The following ABLIM3 variants were observed in gnomAD, a reference collection of about 807,000 sequenced individuals.
ABLIM3 encodes the protein actin-binding LIM protein 3.
Under a neutral mutation model 109.5 loss-of-function variants are expected in ABLIM3, and 61 were observed. The observed-to-expected ratio is 0.56, with a 90% CI of 0.45 to 0.69. The LOEUF (loss-of-function observed/expected upper bound fraction) is 0.69, where lower values mean the gene tolerates loss of function less well. Among genes scored for constraint, ABLIM3 ranks in the 30% least tolerant of loss-of-function variants. ABLIM3 has a pLI of 0.00. For missense variants in ABLIM3, 796 were observed against 889.5 expected (o/e 0.89, Z 1.34); for synonymous variants, 300 against 324.8 (o/e 0.92, Z 0.82).
At chr5:149,177,692 G>A (rs965575156) in intron 2 of ABLIM3, among the ~76,000 whole-genome samples, 1 of 152,150 alleles carries the variant, frequency 6.6e-6, no homozygotes, top group Admixed American at 6.5e-5. Flanking sequence ...AACCTTTGCT[G>A]GACTTGTCAG....
intron 16 of ABLIM3, 103 bp downstream of exon 16, chr5:149,245,118 A>T: frequency 6.9e-7 from 1 of 1,449,244 alleles, no homozygotes; most frequent in African/African-American, 1.4e-5. Flanking sequence ...ATTCTGAATA[A>T]GAGTGCTTAG....
chr5:149,178,452 TC>T (rs2127469750), intron 2 of ABLIM3, among the ~76,000 whole-genome samples: 1 of 152,364 alleles, frequency 6.6e-6, no homozygotes, highest in Non-Finnish European at 1.5e-5. Context: ...ATATTACACT[TC>T]CAGCCAATTA....
intron 3 of ABLIM3, among the ~76,000 whole-genome samples, chr5:149,194,132 G>A (rs1757742091): frequency 6.7e-6 from 1 of 150,372 alleles, no homozygotes; most frequent in Admixed American, 6.6e-5. Flanking sequence ...GAAAAGGGGA[G>A]CAAAAGCAAG....
chr5:149,217,136 C>A, intron 8 of ABLIM3, 90 bp downstream of exon 8: 1 of 1,241,052 alleles, frequency 8.1e-7, no homozygotes, highest in Non-Finnish European at 1.2e-6. Context: ...ATCTTGGCTT[C>A]AGGTTCAGTG....
intron 2 of ABLIM3, among the ~76,000 whole-genome samples, chr5:149,154,825 C>A (rs1009027372): frequency 2.6e-5 from 4 of 152,186 alleles, no homozygotes; most frequent in African/African-American, 9.7e-5. Context: ...GTGTTTGATG[C>A]AGAGTGATGA....
chr5:149,233,499 A>G (rs1223132736), intron 10 of ABLIM3, among the ~76,000 whole-genome samples, 199 bp downstream of exon 10: 1 of 152,170 alleles, frequency 6.6e-6, no homozygotes, highest in Non-Finnish European at 1.5e-5. Context: ...CATGAAGCAA[A>G]CAGTCTAGTA....
chr5:149,191,609 C>G (rs915409852), intron 3 of ABLIM3, among the ~76,000 whole-genome samples: 3 of 140,472 alleles, frequency 2.1e-5, no homozygotes, highest in Non-Finnish European at 3.1e-5. Flanking sequence ...AATCATATGT[C>G]CATATCATTC....
chr5:149,150,779 G>A (rs538688211), intron 2 of ABLIM3, among the ~76,000 whole-genome samples: 112 of 152,180 alleles, frequency 7.4e-4, no homozygotes, highest in African/African-American at 2.7e-3. Context: ...AGTTCTTAAG[G>A]GCACAGACTG....
intron 3 of ABLIM3, among the ~76,000 whole-genome samples, chr5:149,192,611 C>G (rs1221345530): frequency 6.1e-5 from 8 of 130,110 alleles, no homozygotes. Context: ...GGTGACAGAG[C>G]GAGACTCCGT....
At chr5:149,199,122 T>C (rs1277614978) in intron 4 of ABLIM3, 1 of 456,670 alleles carries the variant, frequency 2.2e-6, no homozygotes, top group Admixed American at 2.3e-5. Context: ...ATTCAGCAAG[T>C]GTACGTTAAG....
chr5:149,171,931 T>TAAGGAAAAGA (rs1755477441), intron 2 of ABLIM3, among the ~76,000 whole-genome samples: 1 of 54,098 alleles, frequency 1.8e-5, no homozygotes, highest in African/African-American at 9.9e-5. Context: ...ACTATTCTAT[T>TAAGGAAAAGA]CTATTTCTGC....
At chr5:149,214,334 G>A (rs1040677932) in intron 7 of ABLIM3, among the ~76,000 whole-genome samples, 11 of 152,206 alleles carry the variant, frequency 7.2e-5, no homozygotes, top group Admixed American at 2.0e-4. Flanking sequence ...TCAGGAGGGC[G>A]TTCTTGGTGA....
chr5:149,252,406 T>A, intron 22 of ABLIM3, 198 bp downstream of exon 22: 1 of 579,292 alleles, frequency 1.7e-6, no homozygotes. Context: ...TCTTGCCTAC[T>A]GAAATCAGAT....
intron 15 of ABLIM3, among the ~76,000 whole-genome samples, chr5:149,242,748 T>C (rs567531732): frequency 1.3e-5 from 2 of 152,218 alleles, no homozygotes; most frequent in Non-Finnish European, 1.5e-5. Flanking sequence ...CCCTCAGTTC[T>C]TTCCCACCAC....
intron 2 of ABLIM3, among the ~76,000 whole-genome samples, chr5:149,148,605 C>T (rs1426149706): frequency 1.3e-5 from 2 of 152,146 alleles, no homozygotes; most frequent in Admixed American, 6.5e-5. Flanking sequence ...AGCGATCGGC[C>T]GCATCCCTAC....
intron 9 of ABLIM3, among the ~76,000 whole-genome samples, chr5:149,232,528 T>G (rs761823359): frequency 6.6e-6 from 1 of 152,246 alleles, no homozygotes. Context: ...CCACTTAGAA[T>G]GCTTTAAATT....
At chr5:149,199,619 C>G (rs1190440940) in intron 4 of ABLIM3, among the ~76,000 whole-genome samples, 1 of 152,230 alleles carries the variant, frequency 6.6e-6, no homozygotes, top group Non-Finnish European at 1.5e-5. Context: ...CCCTGGTGCT[C>G]CCTCCATCGT....
intron 6 of ABLIM3, among the ~76,000 whole-genome samples, chr5:149,209,289 T>C (rs1759312486): frequency 6.6e-6 from 1 of 152,182 alleles, no homozygotes; most frequent in Non-Finnish European, 1.5e-5. Context: ...CTCTGCAGCA[T>C]AGCTCTGGGC....
intron 2 of ABLIM3, among the ~76,000 whole-genome samples, chr5:149,147,740 G>T (rs996812712): frequency 6.6e-6 from 1 of 152,154 alleles, no homozygotes; most frequent in African/African-American, 2.4e-5. Context: ...ACTGTTCCAG[G>T]TTCCAGTTCT....
Sources: gnomAD v4.1 joint callset for allele counts (sites outside exome capture counted in the v4.1 genomes callset) on GRCh38, gnomAD v4.1.1 for gene constraint, MANE v1.5 for transcripts, NCBI Gene and HGNC (gene_info 2026-07-23, HGNC 2026-07-21) for gene names.